C15orf40: variants seen among roughly 807,000 people sequenced by gnomAD.
The protein encoded by C15orf40 is chromosome 15 open reading frame 40.
C15orf40 carries 9 observed loss-of-function variants against 13.9 expected under a neutral mutation model. The ratio of observed to expected loss-of-function variants is 0.65; its 90% CI spans 0.39 to 1.13. The LOEUF (loss-of-function observed/expected upper bound fraction) is 1.13. Among genes scored for constraint, C15orf40 ranks in the 50% most tolerant of loss-of-function variants. The pLI is 0.01. For synonymous variants in C15orf40, 95 were observed against 69.2 expected (o/e 1.37, Z -1.85); for missense variants, 225 against 188.5 (o/e 1.19, Z -1.13).
chr15:83,002,062 C>T lies in C15orf40; in HGVS notation c.*3535G>A, dbSNP rs533164089. On this transcript the variant is annotated 3_prime_UTR_variant, in exon 4 of 4. Transcript: ENST00000304177. ...AGCTGAGATTACAGTCATGTACCAC[C>T]ACGCCCAGCTAATTTTTGTAATTTT... 6.6e-6 allele frequency: 1 copy of T among 152,310 alleles called. No individual in the cohort carries two copies. The highest frequency in any genetic ancestry group is 6.5e-5 in the Admixed American group (1 of 15,298). 9.4% of individuals were successfully genotyped at this position (152,310 alleles called of 1,614,324 possible).
chr15:83,008,906 T>A (rs1177629791), intron 2 of C15orf40, among the ~76,000 whole-genome samples: 1 of 152,180 alleles, frequency 6.6e-6, no homozygotes, highest in African/African-American at 2.4e-5. Context: ...ATTGACCCAA[T>A]CTTGCCGACC....
In C15orf40 at chr15:83,008,530, AAAG is replaced by A. The variant is rs1428333274; in HGVS notation, c.366+15_366+17del. 1.2e-6 allele frequency: 2 copies of A among 1,611,878 alleles called. No individual in the cohort carries two copies. Among genetic ancestry groups the A allele is most frequent in the East Asian group, 2.2e-5 (1 of 44,808 alleles). ...CAAGATTTTGTCTCAAAAAAAAAAA[AAAG>A]AGAGCGAGACCTACCTTATCCAAAA... On this transcript the variant is annotated intron_variant, in intron 3 of 3. Transcript: ENST00000304177.
At chr15:82,990,726 T>C, downstream of C15orf40, 2 of 1,281,018 alleles carry the variant, frequency 1.6e-6, no homozygotes, top group Non-Finnish European at 2.2e-6. Context: ...AGGGTACACA[T>C]CATTTTATAC....
Position 82,998,219 on chromosome 15 carries a change from T to C in C15orf40, c.*7378A>G. On this transcript the variant is annotated 3_prime_UTR_variant, in exon 4 of 4. Coordinates refer to ENST00000304177, the MANE Select transcript of C15orf40 (RefSeq NM_144597.3). Reference sequence around the variant, plus strand: ...CGGCACGGCTGGCCAGGCGGGGGGCTGACCCCCCCACCTCCCTCCCGGATG... The same window carrying C: ...CGGCACGGCTGGCCAGGCGGGGGGCCGACCCCCCCACCTCCCTCCCGGATG... The C allele has an allele frequency of 6.9e-6, 1 of 145,866 alleles. No individual in the cohort carries two copies. Among genetic ancestry groups the C allele is most frequent in the Non-Finnish European group, 1.4e-5 (1 of 69,466 alleles). 9.0% of individuals were successfully genotyped at this position (145,866 alleles called of 1,614,324 possible).
downstream of C15orf40, chr15:82,989,270 G>A: frequency 1.4e-6 from 2 of 1,443,958 alleles, no homozygotes; most frequent in Non-Finnish European, 1.9e-6. Context: ...GCCAGTGAGG[G>A]CAGGGACCAG....
chr15:82,990,742 C>G, downstream of C15orf40: 4 of 1,161,040 alleles, frequency 3.4e-6, no homozygotes, highest in Non-Finnish European at 5.0e-6. Context: ...TATACAAACA[C>G]TAAAGCTTTT....
Position 83,003,613 on chromosome 15 carries a change from C to T in C15orf40, c.*1984G>A, listed in dbSNP as rs1324389395. ...ATATGGCACAGTTTAGAAGACAAAG[C>T]AGCTGGGCTTAAACCAAGCTCTGCC... On this transcript the variant is annotated 3_prime_UTR_variant, in exon 4 of 4. Transcript: ENST00000304177. The T allele has an allele frequency of 6.6e-6, 1 of 152,220 alleles. No homozygotes were observed. Among genetic ancestry groups the T allele is most frequent in the Admixed American group, 6.5e-5 (1 of 15,282 alleles). The allele number at this position is 152,220 out of a possible 1,614,324, so 9.4% of individuals were successfully genotyped here. A position where few individuals can be genotyped will look rare whatever the true frequency, so the allele number is the denominator to read the frequency against.
intron 1 of C15orf40, chr15:83,010,877 T>C (rs2151294298): frequency 6.4e-6 from 1 of 156,792 alleles, no homozygotes; most frequent in Admixed American, 6.3e-5. Flanking sequence ...ACATGGTCCT[T>C]GCTCTCAAGG....
rs971610636 is a variant in C15orf40, at chr15:83,005,064, C to T, written c.*533G>A. ...TCTTCCCAGCTCTGTTATTTTACAA[C>T]GCCATGAAATCAGAGTAACATGTTC... On this transcript the variant is annotated 3_prime_UTR_variant, in exon 4 of 4. Coordinates refer to ENST00000304177, the MANE Select transcript of C15orf40 (RefSeq NM_144597.3). The T allele has an allele frequency of 1.9e-5, 23 of 1,191,098 alleles. No individual in the cohort carries two copies. The highest frequency in any genetic ancestry group is 6.5e-5 in the Admixed American group (2 of 30,890). The allele number at this position is 1,191,098 out of a possible 1,614,324, so 73.8% of individuals were successfully genotyped here.
chr15:83,001,126 A>G lies in C15orf40; in HGVS notation c.*4471T>C, dbSNP rs554913052. 46 of 985,386 alleles carry G rather than the reference A, an allele frequency of 4.7e-5. No individual in the cohort carries two copies. Among genetic ancestry groups the G allele is most frequent in the Non-Finnish European group, 5.4e-5 (45 of 829,970 alleles). 61.0% of individuals were successfully genotyped at this position (985,386 alleles called of 1,614,324 possible). On this transcript the variant is annotated 3_prime_UTR_variant, in exon 4 of 4. Transcript: ENST00000304177. ...CTGCACTGGCCTAGGTGTGCACTGC[A>G]AAGGTTCCACCTTCATCCTCTGGTT...
chr15:83,005,714 A>G, intron 3 of C15orf40, 22 bp from the exon 4 acceptor site: 9 of 1,608,272 alleles, frequency 5.6e-6, no homozygotes, highest in Non-Finnish European at 6.8e-6. Context: ...GAGAAAAAGC[A>G]TACTTTACTG....
At position 83,004,525 on chromosome 15, in the gene C15orf40, C is replaced by T. The variant is rs551791638; in HGVS notation, c.*1072G>A. 2 of 804,136 alleles carry T rather than the reference C, an allele frequency of 2.5e-6. No homozygotes were observed. Among genetic ancestry groups the T allele is most frequent in the South Asian group, 1.1e-4 (2 of 17,526 alleles). The allele number at this position is 804,136 out of a possible 1,614,324, so 49.8% of individuals were successfully genotyped here. A position where few individuals can be genotyped will look rare whatever the true frequency, so the allele number is the denominator to read the frequency against. On this transcript the variant is annotated 3_prime_UTR_variant, in exon 4 of 4. Coordinates refer to ENST00000304177, the MANE Select transcript of C15orf40 (RefSeq NM_144597.3). Reference sequence around the variant, plus strand: ...AATTTCTGACAAGCTTTTACAAATACTGAAAATAGCTTCCAAGTCCTCTTT... The same window carrying T: ...AATTTCTGACAAGCTTTTACAAATATTGAAAATAGCTTCCAAGTCCTCTTT...
chr15:82,991,903 G>A, downstream of C15orf40: 6 of 1,288,970 alleles, frequency 4.7e-6, no homozygotes, highest in Non-Finnish European at 6.1e-6. Context: ...AATCTTCTCT[G>A]AAAGCAGAAG....
intron 2 of C15orf40, 148 bp downstream of exon 2, chr15:83,010,089 G>C (rs2031909680): frequency 9.1e-7 from 1 of 1,100,288 alleles, no homozygotes; most frequent in African/African-American, 1.6e-5. Flanking sequence ...CTTTACATTA[G>C]AATCTAGAAT....
rs974557845 is a variant in C15orf40 at position 82,998,550 on chromosome 15, C to T, written c.*7047G>A. 7 of 85,924 alleles carry T rather than the reference C, an allele frequency of 8.1e-5. No individual in the cohort carries two copies. Among genetic ancestry groups the T allele is most frequent in the Admixed American group, 8.0e-4 (7 of 8,794 alleles). 5.3% of individuals were successfully genotyped at this position (85,924 alleles called of 1,614,324 possible). A position where few individuals can be genotyped will look rare whatever the true frequency, so the allele number is the denominator to read the frequency against. On this transcript the variant is annotated 3_prime_UTR_variant, in exon 4 of 4. Transcript: ENST00000304177. The stretch of plus-strand genomic sequence containing the variant: ...CCCAGATGGGGCGGCGGGGCAGAGG[C>T]GCTCCCCACATCTCAGATGATGGGC...
intron 1 of C15orf40, 101 bp from the exon 2 acceptor site, chr15:83,010,464 G>C: frequency 7.1e-7 from 1 of 1,407,996 alleles, no homozygotes; most frequent in East Asian, 2.3e-5. Flanking sequence ...AGACAAACTA[G>C]GCTCATCAGT....
At chr15:83,006,453 C>T in intron 3 of C15orf40, 3 of 985,366 alleles carry the variant, frequency 3.0e-6, no homozygotes, top group Non-Finnish European at 3.6e-6. Flanking sequence ...TTCACAACCA[C>T]TTAAAACTTT....
At chr15:82,993,720 G>A (rs953920294), downstream of C15orf40, among the ~76,000 whole-genome samples, 16 of 152,080 alleles carry the variant, frequency 1.1e-4, no homozygotes, top group African/African-American at 3.6e-4. Context: ...CTGGAGAATC[G>A]CTTGAACCTG....
In C15orf40 at chr15:82,995,166, GA is replaced by G. The variant is rs1327372716; in HGVS notation, c.*10430del. The stretch of plus-strand genomic sequence containing the variant: ...ATTACTGCTGGCACCAGCTTTTGAG[GA>G]AAATAAGGATGGAAGTAGAGATCCC... On this transcript the variant is annotated 3_prime_UTR_variant, in exon 4 of 4. Transcript: ENST00000304177. The G allele has an allele frequency of 6.6e-6, 1 of 152,156 alleles. No individual in the cohort carries two copies. Among genetic ancestry groups the G allele is most frequent in the Non-Finnish European group, 1.5e-5 (1 of 68,050 alleles). The allele number at this position is 152,156 out of a possible 1,614,324, so 9.4% of individuals were successfully genotyped here.
Sources: allele counts gnomAD v4.1 joint callset (sites outside exome capture counted in the v4.1 genomes callset), GRCh38; gene constraint gnomAD v4.1.1; transcripts MANE v1.5; gene names NCBI Gene and HGNC (gene_info 2026-07-23, HGNC 2026-07-21).